The following ADGRF3 variants were observed in gnomAD, a reference collection of about 807,000 sequenced individuals.
The protein encoded by ADGRF3 is adhesion G protein-coupled receptor F3.
ADGRF3 carries 85 observed loss-of-function variants against 93.2 expected under a neutral mutation model. That is an observed-to-expected ratio of 0.91 (90% CI 0.77 to 1.09). The LOEUF (loss-of-function observed/expected upper bound fraction) is 1.09, where lower values mean the gene tolerates loss of function less well. Among genes scored for constraint, ADGRF3 ranks in the 50% least tolerant of loss-of-function variants. ADGRF3 has a pLI of 0.00. For synonymous variants in ADGRF3, 534 were observed against 532.5 expected (o/e 1.00, Z -0.04); for missense variants, 1,125 against 1,246.2 (o/e 0.90, Z 1.46).
chr2:26,325,166 T>C (rs1350927304), intron 1 of ADGRF3, among the ~76,000 whole-genome samples: 1 of 152,114 alleles, frequency 6.6e-6, no homozygotes, highest in East Asian at 1.9e-4. Context: ...GAAGGGGAAA[T>C]GCACAGCTGT....
chr2:26,317,329 G>A (rs112925719), intron 2 of ADGRF3, among the ~76,000 whole-genome samples, 167 bp downstream of exon 2: 6 of 152,208 alleles, frequency 3.9e-5, no homozygotes, highest in South Asian at 2.1e-4. Context: ...AGGCCTCTCC[G>A]CTAGAGAACT....
chr2:26,319,536 CCCTTCTTTCT>C (rs1558390673), intron 1 of ADGRF3, among the ~76,000 whole-genome samples: 5 of 131,048 alleles, frequency 3.8e-5, no homozygotes, highest in East Asian at 2.5e-4. Flanking sequence ...TCCCTTCCTT[CCCTTCTTTCT>C]CTCCCTCCCT....
rs748522204 is a variant in ADGRF3 at position 26,314,533 on chromosome 2, C to T, written c.809G>A (p.Arg270Gln). 12 of 1,613,270 alleles carry T rather than the reference C, an allele frequency of 7.4e-6. No individual in the cohort carries two copies. The highest frequency in any genetic ancestry group is 5.0e-5 in the Admixed American group (3 of 59,984). The change falls in exon 6 of 14, where the codon CGA becomes CAA. Residue 270 changes from arginine to glutamine, a missense_variant. Physicochemically the swap from Arg to Gln is conservative, Grantham distance 43. Coordinates refer to ENST00000651242, the MANE Select transcript of ADGRF3 (RefSeq NM_001321971.2). ...RVPLKATDVA[R>Q]LPYQLSISCA... is the part of the protein sequence containing the mutation. The stretch of plus-strand genomic sequence containing the variant: ...GGAGATGGACAGCTGGTATGGAAGT[C>T]GAGCCACATCTGTCGCCTTCAAGGG...
chr2:26,309,328 G>GC, intron 13 of ADGRF3, 198 bp downstream of exon 13: 1 of 1,489,346 alleles, frequency 6.7e-7, no homozygotes. Flanking sequence ...AAGGTGCTAT[G>GC]CTTTCTGCTC....
At chr2:26,309,905 G>A (rs574539510) in intron 12 of ADGRF3, 138 bp downstream of exon 12, 27 of 1,572,754 alleles carry the variant, frequency 1.7e-5, no homozygotes, top group Middle Eastern at 1.7e-4. Flanking sequence ...AGCTGGAACC[G>A]GAAAACTGTT....
chr2:26,310,074 C>T lies in ADGRF3; in HGVS notation c.2906G>A (p.Arg969His), dbSNP rs754971811. The change falls in exon 12 of 14, where the codon CGC becomes CAC. Residue 969 changes from arginine to histidine, a missense_variant. Transcript: ENST00000651242. ...GATGGTGGAGCTGGGGGCTTGGGCG[C>T]GGCAGAAGCGTTTGCGCAAAGCTTC... Reference protein sequence around the residue: ...IQEALRKRFCRAQAPSSTISL... With the variant: ...IQEALRKRFCHAQAPSSTISL... The T allele has an allele frequency of 3.8e-5, 62 of 1,613,908 alleles. No homozygotes were observed. The highest frequency in any genetic ancestry group is 2.1e-4 in the South Asian group (19 of 91,082).
rs1676761321 is a variant in ADGRF3, at chr2:26,346,427, C to CGGGTCCT, written c.-200_-194dup. The stretch of plus-strand genomic sequence containing the variant: ...GGCGGGCGTTCCTCCGGAGGTCCTG[C>CGGGTCCT]GGGTCCTGGGGATTGGGGGTCGGGG... On this transcript the variant is annotated 5_prime_UTR_variant, in exon 1 of 14. The change creates a premature stop within an existing upstream ORF in the 5' untranslated region. Transcript: ENST00000651242. The CGGGTCCT allele has an allele frequency of 9.1e-7, 1 of 1,098,012 alleles. No homozygotes were observed. Among genetic ancestry groups the CGGGTCCT allele is most frequent in the East Asian group, 2.9e-5 (1 of 34,630 alleles). 68.0% of individuals were successfully genotyped at this position (1,098,012 alleles called of 1,614,324 possible). A position where few individuals can be genotyped will look rare whatever the true frequency, so the allele number is the denominator to read the frequency against.
At chr2:26,336,386 G>C (rs941756990) in intron 1 of ADGRF3, among the ~76,000 whole-genome samples, 15 of 151,656 alleles carry the variant, frequency 9.9e-5, no homozygotes, top group African/African-American at 3.4e-4. Flanking sequence ...GTGTCTGTTG[G>C]AAGGAAGGGT....
intron 1 of ADGRF3, among the ~76,000 whole-genome samples, chr2:26,321,699 C>T (rs1460347425): frequency 5.9e-5 from 9 of 152,160 alleles, no homozygotes; most frequent in African/African-American, 2.2e-4. Flanking sequence ...AGGCTGGGCG[C>T]GGTGGCTCAC....
In ADGRF3 at chr2:26,310,973, A is replaced by C. The variant is rs1010178799; in HGVS notation, c.2551T>G (p.Leu851Val). The stretch of plus-strand genomic sequence containing the variant: ...TATAACGCCCCTCCCTTCCCATCCA[A>C]CCAGCATTCCCCCTCCCTCAGGTAT... Reference protein sequence around the residue: ...GQYLREGECWLDGKGGALYTF... With the variant: ...GQYLREGECWVDGKGGALYTF... The change falls in exon 10 of 14, where the codon TTG becomes GTG. Residue 851 changes from leucine to valine, a missense_variant. Transcript: ENST00000651242. The C allele has an allele frequency of 1.6e-5, 26 of 1,613,608 alleles. No homozygotes were observed. The highest frequency in any genetic ancestry group is 8.0e-5 in the African/African-American group (6 of 74,902).
intron 1 of ADGRF3, among the ~76,000 whole-genome samples, chr2:26,329,725 T>C (rs1307044558): frequency 6.6e-6 from 1 of 152,250 alleles, no homozygotes; most frequent in East Asian, 1.9e-4. Flanking sequence ...ACTTTTACAT[T>C]TTTGGTTATT....
chr2:26,345,414 C>A (rs998197598), intron 1 of ADGRF3, among the ~76,000 whole-genome samples: 1 of 152,106 alleles, frequency 6.6e-6, no homozygotes, highest in Non-Finnish European at 1.5e-5. Flanking sequence ...GAGACACCAG[C>A]AATCTTAATT....
chr2:26,316,576 GCCTCAGTCAGGCC>G (rs1674696681), intron 3 of ADGRF3, 128 bp from the exon 4 acceptor site: 8 of 944,730 alleles, frequency 8.5e-6, no homozygotes, highest in Non-Finnish European at 1.3e-5. Context: ...AGCTACAGGT[GCCTCAGTCAGGCC>G]CATGCATCAG....
chr2:26,310,461 C>T (rs968345733), intron 10 of ADGRF3, among the ~76,000 whole-genome samples: 1 of 152,186 alleles, frequency 6.6e-6, no homozygotes, highest in Non-Finnish European at 1.5e-5. Flanking sequence ...ATTTCTCCAA[C>T]AAAATCAGCT....
chr2:26,328,878 A>G (rs1465348576), intron 1 of ADGRF3, among the ~76,000 whole-genome samples: 1 of 152,180 alleles, frequency 6.6e-6, no homozygotes, highest in Non-Finnish European at 1.5e-5. Flanking sequence ...TTTCTCTGTC[A>G]TCTCTGTTCT....
chr2:26,327,074 T>C (rs540625134), intron 1 of ADGRF3, among the ~76,000 whole-genome samples: 1 of 152,352 alleles, frequency 6.6e-6, no homozygotes, highest in African/African-American at 2.4e-5. Flanking sequence ...TTGGCCAAAG[T>C]AGCTGTTTTA....
chr2:26,340,994 G>A (rs1417385911), intron 1 of ADGRF3, among the ~76,000 whole-genome samples: 1 of 152,052 alleles, frequency 6.6e-6, no homozygotes, highest in African/African-American at 2.4e-5. Context: ...ATATCACACT[G>A]GGTCCCTCTG....
intron 1 of ADGRF3, among the ~76,000 whole-genome samples, chr2:26,324,624 C>G (rs12992134): frequency 6.6e-6 from 1 of 152,156 alleles, no homozygotes; most frequent in Middle Eastern, 3.4e-3. Context: ...GCCTCCAGCT[C>G]CATCCATGTC....
Position 26,346,236 on chromosome 2 carries a change from G to A in ADGRF3, c.-2C>T. ...GGCGCTCAGTTTTCGGGTCGTCATG[G>A]CTGGCTACGAATACGTGAGCCCGGA... On this transcript the variant is annotated 5_prime_UTR_variant, in exon 1 of 14. Coordinates refer to ENST00000651242, the MANE Select transcript of ADGRF3 (RefSeq NM_001321971.2). 4 of 1,613,652 alleles carry A rather than the reference G, an allele frequency of 2.5e-6. No individual in the cohort carries two copies. Among genetic ancestry groups the A allele is most frequent in the Non-Finnish European group, 3.4e-6 (4 of 1,179,646 alleles).
Sources: gnomAD v4.1 joint callset for allele counts (sites outside exome capture counted in the v4.1 genomes callset) on GRCh38, gnomAD v4.1.1 for gene constraint, MANE v1.5 for transcripts, NCBI Gene and HGNC (gene_info 2026-07-23, HGNC 2026-07-21) for gene names.